GRIN2A: variants seen among roughly 807,000 people sequenced by gnomAD.
GRIN2A encodes glutamate receptor ionotropic, NMDA 2A.
GRIN2A carries 22 observed loss-of-function variants against 113.4 expected under a neutral mutation model. The ratio of observed to expected loss-of-function variants is 0.19; its 90% CI spans 0.14 to 0.28. The LOEUF (loss-of-function observed/expected upper bound fraction) is 0.28, where lower values mean the gene tolerates loss of function less well. GRIN2A is among the 10% of genes least tolerant of loss of function. The pLI is 1.00. For synonymous variants in GRIN2A, 827 were observed against 738.4 expected (o/e 1.12, Z -1.94); for missense variants, 1,502 against 1,887.0 (o/e 0.80, Z 3.78).
chr16:9,925,484 A>G (rs1414631420), intron 3 of GRIN2A, among the ~76,000 whole-genome samples: 1 of 152,112 alleles, frequency 6.6e-6, no homozygotes, highest in Admixed American at 6.6e-5. Flanking sequence ...CACTTTTCTC[A>G]GGTACTCTCT....
At position 9,760,181 on chromosome 16, in the gene GRIN2A, C is replaced by G; in HGVS notation, c.*2968G>C. 4.4e-6 allele frequency: 1 copy of G among 226,738 alleles called. No homozygotes were observed. The highest frequency in any genetic ancestry group is 2.2e-5 in the African/African-American group (1 of 45,076). The allele number at this position is 226,738 out of a possible 1,614,324, so 14.0% of individuals were successfully genotyped here. On this transcript the variant is annotated 3_prime_UTR_variant, in exon 13 of 13. Coordinates refer to ENST00000330684, the MANE Select transcript of GRIN2A (RefSeq NM_001134407.3). Reference sequence around the variant, plus strand: ...CAGAGCTGGGATATGTTACGGGAATCTTCTGTGATAGATCTATAGTCTCAG... The same window carrying G: ...CAGAGCTGGGATATGTTACGGGAATGTTCTGTGATAGATCTATAGTCTCAG...
In GRIN2A at chr16:9,824,981, C is replaced by T. The variant is rs536500766; in HGVS notation, c.2008-2557G>A. On this transcript the variant is annotated intron_variant, in intron 9 of 12. Transcript: ENST00000330684. ...CAAGACTTTCTCCCAGAGAGTTCCA[C>T]GTGCAAGCAGAAAGAATCCAATATG... Among the ~76,000 whole-genome samples the T allele has an allele frequency of 1.2e-3, 185 of 152,164 alleles. 2 individuals are homozygous for T. The highest frequency in any genetic ancestry group is 4.4e-3 in the African/African-American group (184 of 41,496).
rs560370395 is a variant in GRIN2A at position 9,886,237 on chromosome 16, ACT to A, written c.1122+4747_1122+4748del. Among the ~76,000 whole-genome samples, 166 of 152,266 alleles carry A rather than the reference ACT, an allele frequency of 1.1e-3. 4 individuals carry two copies. The South Asian group carries it at 0.02, about 18-fold the overall frequency. On this transcript the variant is annotated intron_variant, in intron 4 of 12. Coordinates refer to ENST00000330684, the MANE Select transcript of GRIN2A (RefSeq NM_001134407.3). Reference sequence around the variant, plus strand: ...AACAACATAAGGCAGAAAGGCTCCAACTCTCTACCTCCTATGGATGATTAGAA... The same window carrying A: ...AACAACATAAGGCAGAAAGGCTCCAACTCTACCTCCTATGGATGATTAGAA...
At chr16:9,919,714 G>A (rs2044322511) in intron 3 of GRIN2A, among the ~76,000 whole-genome samples, 1 of 152,190 alleles carries the variant, frequency 6.6e-6, no homozygotes. Context: ...CATAATACTT[G>A]AAACAAAATT....
chr16:9,784,450 A>AC (rs1454284869), intron 11 of GRIN2A, among the ~76,000 whole-genome samples: 2 of 148,310 alleles, frequency 1.3e-5, no homozygotes, highest in Admixed American at 6.6e-5. Context: ...CCAAAAAAAA[A>AC]AAACAAACAA....
chr16:9,809,186 G>A (rs1024426670), intron 10 of GRIN2A, among the ~76,000 whole-genome samples: 9 of 152,180 alleles, frequency 5.9e-5, no homozygotes, highest in African/African-American at 1.9e-4. Flanking sequence ...TTGGGAGGCC[G>A]AAGTGGGTGG....
At chr16:9,960,803 T>C (rs1418555389) in intron 2 of GRIN2A, among the ~76,000 whole-genome samples, 1 of 152,168 alleles carries the variant, frequency 6.6e-6, no homozygotes, top group Non-Finnish European at 1.5e-5. Context: ...TTTTGTATTT[T>C]TGGCAGAGAT....
chr16:10,153,019 C>T (rs2049616050), intron 2 of GRIN2A, among the ~76,000 whole-genome samples: 1 of 152,052 alleles, frequency 6.6e-6, no homozygotes, highest in Admixed American at 6.5e-5. Context: ...GGATACAAGT[C>T]ATTATGCATT....
chr16:9,807,506 G>A (rs992063381), intron 10 of GRIN2A, among the ~76,000 whole-genome samples: 5 of 152,106 alleles, frequency 3.3e-5, no homozygotes, highest in African/African-American at 1.2e-4. Flanking sequence ...TCTATTGACT[G>A]CTAATTTCAA....
chr16:10,121,904 A>G (rs866721532), intron 2 of GRIN2A, among the ~76,000 whole-genome samples: 7 of 152,264 alleles, frequency 4.6e-5, no homozygotes, highest in Non-Finnish European at 8.8e-5. Context: ...AGGCAAAAAC[A>G]TTAAAAGTTT....
At chr16:9,884,169 T>G (rs1362102092) in intron 4 of GRIN2A, among the ~76,000 whole-genome samples, 1 of 152,040 alleles carries the variant, frequency 6.6e-6, no homozygotes. Context: ...TCTACAATTT[T>G]TATTTGTTAA....
chr16:10,111,375 C>G, intron 2 of GRIN2A: 1 of 459,718 alleles, frequency 2.2e-6, no homozygotes, highest in East Asian at 4.6e-5. Context: ...CGGGGCCTTG[C>G]GGCAGCATGG....
rs2141136532 is a variant in GRIN2A, at chr16:9,764,693, C to A, written c.2851G>T (p.Gly951Trp). Residue 951 changes from glycine (G) to tryptophan (W), a missense_variant, in exon 13 of 13, where the codon GGG becomes TGG. Coordinates refer to ENST00000330684, the MANE Select transcript of GRIN2A (RefSeq NM_001134407.3). ...LMYSDNRSFQ[G>W]KESIFGDNMN... is the part of the protein sequence containing the mutation. ...TTGTCTCCAAAAATGCTCTCTTTCC[C>A]CTGAAAGGACCTGTTGTCTGAGTAC... 6.2e-7 allele frequency: 1 copy of A among 1,614,184 alleles called. No homozygotes were observed. Among genetic ancestry groups the A allele is most frequent in the African/African-American group, 1.3e-5 (1 of 75,034 alleles).
intron 2 of GRIN2A, among the ~76,000 whole-genome samples, chr16:10,146,196 C>T (rs889323756): frequency 1.8e-4 from 28 of 152,130 alleles, no homozygotes; most frequent in Admixed American, 1.0e-3. Context: ...CGGCTCACTG[C>T]AACCTCCACC....
intron 2 of GRIN2A, among the ~76,000 whole-genome samples, chr16:10,093,188 A>G (rs1296021051): frequency 6.6e-6 from 1 of 152,210 alleles, no homozygotes; most frequent in African/African-American, 2.4e-5. Flanking sequence ...TCAGAGTCAC[A>G]GTTGCTCAGC....
chr16:9,934,678 TAAAAAAAA>T lies in GRIN2A; in HGVS notation c.1007+3273_1007+3280del, dbSNP rs33916243. Among the ~76,000 whole-genome samples the T allele has an allele frequency of 7.9e-5, 4 of 50,940 alleles. No homozygotes were observed. The South Asian group carries it at 2.8e-3, about 35-fold the overall frequency. The allele number at this position is 50,940 out of a possible 152,430, so 33.4% of individuals were successfully genotyped here. On this transcript the variant is annotated intron_variant, in intron 3 of 12. Coordinates refer to ENST00000330684, the MANE Select transcript of GRIN2A (RefSeq NM_001134407.3). ...CTGGGAGACAGAGCGAGACTCTGTC[TAAAAAAAA>T]AAAAAAAAAAAAAAAAAAAGGAGAT... is the stretch of plus-strand genomic sequence containing the variant.
chr16:10,176,783 G>A (rs2050156433), intron 2 of GRIN2A, among the ~76,000 whole-genome samples: 1 of 151,946 alleles, frequency 6.6e-6, no homozygotes, highest in South Asian at 2.1e-4. Context: ...CACCAACATG[G>A]CACATGTATA....
chr16:9,983,370 C>T (rs544288755), intron 2 of GRIN2A, among the ~76,000 whole-genome samples: 1 of 151,930 alleles, frequency 6.6e-6, no homozygotes, highest in East Asian at 1.9e-4. Context: ...TTGTGCCTGG[C>T]TTATTTCATT....
Position 9,835,648 on chromosome 16 carries a change from A to G in GRIN2A, c.1652-1418T>C, listed in dbSNP as rs762543391. Among the ~76,000 whole-genome samples the G allele has an allele frequency of 8.5e-5, 13 of 152,336 alleles. No homozygotes were observed. In the East Asian group the frequency reaches 9.6e-4, roughly 11 times the overall value. On this transcript the variant is annotated intron_variant, in intron 7 of 12. Transcript: ENST00000330684. Reference sequence around the variant, plus strand: ...TTTTCTGAGGGTTAAAATAAGTCCAATAATACTTCTTGAATAGTAAACATA... The same window carrying G: ...TTTTCTGAGGGTTAAAATAAGTCCAGTAATACTTCTTGAATAGTAAACATA...
Sources: allele counts gnomAD v4.1 joint callset (sites outside exome capture counted in the v4.1 genomes callset), GRCh38; gene constraint gnomAD v4.1.1; transcripts MANE v1.5; gene names NCBI Gene and HGNC (gene_info 2026-07-23, HGNC 2026-07-21).